PCDHA1: variants seen among roughly 807,000 people sequenced by gnomAD.
PCDHA1 encodes the protein protocadherin alpha 1.
Under a neutral mutation model 61.3 loss-of-function variants are expected in PCDHA1, and 42 were observed. The ratio of observed to expected loss-of-function variants is 0.69; its 90% CI spans 0.54 to 0.89. The LOEUF (loss-of-function observed/expected upper bound fraction) is 0.89. Ranked by LOEUF, PCDHA1 falls within the 40% of genes least tolerant of loss-of-function variation. PCDHA1 has a pLI of 0.00. For synonymous variants in PCDHA1, 610 were observed against 553.8 expected, an observed-to-expected ratio of 1.10 and a Z score of -1.43; for missense variants, 1,256 against 1,235.3, an observed-to-expected ratio of 1.02 and a Z score of -0.25.
At chr5:140,862,473 A>G in intron 1 of PCDHA1, 1 of 377,242 alleles carries the variant, frequency 2.7e-6, no homozygotes. Flanking sequence ...GAGCAAATCT[A>G]TCCATTGTTG....
rs1554117663 is a variant in PCDHA1, at chr5:140,787,078, C to T, written c.788C>T (p.Thr263Ile). The T allele has an allele frequency of 1.2e-6, 2 of 1,614,184 alleles. No individual in the cohort carries two copies. The highest frequency in any genetic ancestry group is 1.1e-5 in the South Asian group (1 of 91,088). Residue 263 changes from threonine to isoleucine, a missense_variant, in exon 1 of 4, where the codon ACA becomes ATA. Thr to Ile is a moderately conservative substitution (Grantham distance 89). Coordinates refer to ENST00000504120, the MANE Select transcript of PCDHA1 (RefSeq NM_018900.4). ...ACAGCAAATGGAACATTAGTGACCA[C>T]ATTAAATGCCTCTGATGCTGACGAA... The part of the protein sequence containing the change: ...ETTANGTLVT[T>I]LNASDADEGV...
At chr5:140,843,497 C>A in intron 1 of PCDHA1, 1 of 1,596,022 alleles carries the variant, frequency 6.3e-7, no homozygotes, top group Non-Finnish European at 8.6e-7. Context: ...GTGCTCAGCA[C>A]TGCCCACTGA....
At chr5:140,949,171 C>T (rs1554218845) in intron 1 of PCDHA1, among the ~76,000 whole-genome samples, 1 of 151,632 alleles carries the variant, frequency 6.6e-6, no homozygotes, top group Non-Finnish European at 1.5e-5. Flanking sequence ...CTCTTTTGGT[C>T]AGAGAACATA....
At chr5:140,840,164 T>C (rs1554137707) in intron 1 of PCDHA1, among the ~76,000 whole-genome samples, 1 of 151,988 alleles carries the variant, frequency 6.6e-6, no homozygotes, top group African/African-American at 2.4e-5. Context: ...AGAGATGGGA[T>C]GTATACAAAT....
At position 140,807,381 on chromosome 5, in the gene PCDHA1, G is replaced by A. The variant is rs148298330; in HGVS notation, c.2394+18697G>A. 262 of 1,603,446 alleles carry A rather than the reference G, an allele frequency of 1.6e-4. No homozygotes were observed. The African/African-American group carries it at 2.9e-3, about 18-fold the overall frequency. ...GCGGAGCTGGTGCCGCGCCTGTTCCGGGTGGCGTCCAAGGGCCGCGGAGGC... is the reference window on the plus strand; with the variant it reads ...GCGGAGCTGGTGCCGCGCCTGTTCCAGGTGGCGTCCAAGGGCCGCGGAGGC... On this transcript the variant is annotated intron_variant, in intron 1 of 3. Transcript: ENST00000504120.
chr5:140,794,601 T>C (rs1485169955), intron 1 of PCDHA1, among the ~76,000 whole-genome samples: 1 of 152,260 alleles, frequency 6.6e-6, no homozygotes, highest in Non-Finnish European at 1.5e-5. Context: ...TTAATCATAG[T>C]TAATATGGTA....
chr5:140,822,550 T>C, intron 1 of PCDHA1: 1 of 1,613,768 alleles, frequency 6.2e-7, no homozygotes, highest in Non-Finnish European at 8.5e-7. Context: ...AAGTGGGACA[T>C]TAGTTATTAA....
In PCDHA1 at chr5:140,969,225, C is replaced by T. The variant is rs782766938; in HGVS notation, c.2395-9724C>T. 22 of 1,614,118 alleles carry T rather than the reference C, an allele frequency of 1.4e-5. No homozygotes were observed. Among genetic ancestry groups the T allele is most frequent in the East Asian group, 1.3e-4 (6 of 44,872 alleles). Reference sequence around the variant, plus strand: ...GGGGCCCAGACAGGACCAGGGCCTTCGGGAGCCCAAGCAGCAGTGACTGAC... The same window carrying T: ...GGGGCCCAGACAGGACCAGGGCCTTTGGGAGCCCAAGCAGCAGTGACTGAC... On this transcript the variant is annotated intron_variant, in intron 1 of 3. Coordinates refer to ENST00000504120, the MANE Select transcript of PCDHA1 (RefSeq NM_018900.4).
Position 140,985,833 on chromosome 5 carries a change from G to A in PCDHA1, c.2542+3270G>A, listed in dbSNP as rs1458914557. Among the ~76,000 whole-genome samples the A allele has an allele frequency of 2.8e-5, 4 of 143,674 alleles. No homozygotes were observed. In the East Asian group the frequency reaches 6.5e-4, roughly 23 times the overall value. The allele number at this position is 143,674 out of a possible 152,430, so 94.3% of individuals were successfully genotyped here. A position where few individuals can be genotyped will look rare whatever the true frequency, so the allele number is the denominator to read the frequency against. ...CAGCTCACAACAAGCTCTGCCTCCC[G>A]GGTTCATGCCACTCTCCTGCCTCAG... On this transcript the variant is annotated intron_variant, in intron 3 of 3. Coordinates refer to ENST00000504120, the MANE Select transcript of PCDHA1 (RefSeq NM_018900.4).
chr5:140,817,360 A>G (rs2150097768), intron 1 of PCDHA1: 1 of 152,194 alleles, frequency 6.6e-6, no homozygotes, highest in East Asian at 1.9e-4. Flanking sequence ...GACCCTCTTA[A>G]CTGGTTTCGG....
rs782212784 is a variant in PCDHA1 at position 140,883,583 on chromosome 5, G to A, written c.2394+94899G>A. ...GGGCTCGCCTTCGCTGTGGGCCACGGCCAGCGTGTCGGTGGGGGTGGCCGA... is the reference window on the plus strand; with the variant it reads ...GGGCTCGCCTTCGCTGTGGGCCACGACCAGCGTGTCGGTGGGGGTGGCCGA... On this transcript the variant is annotated intron_variant, in intron 1 of 3. Coordinates refer to ENST00000504120, the MANE Select transcript of PCDHA1 (RefSeq NM_018900.4). The A allele has an allele frequency of 1.9e-5, 31 of 1,613,916 alleles. No individual in the cohort carries two copies. The African/African-American group carries it at 3.7e-4, about 19-fold the overall frequency.
chr5:140,795,680 A>G (rs140965227), intron 1 of PCDHA1: 15 of 1,614,044 alleles, frequency 9.3e-6, no homozygotes, highest in Non-Finnish European at 1.3e-5. Context: ...AATGACAATG[A>G]ACCAACTTTT....
At chr5:140,840,854 C>T (rs2150309759) in intron 1 of PCDHA1, among the ~76,000 whole-genome samples, 10 of 151,908 alleles carry the variant, frequency 6.6e-5, no homozygotes, top group Admixed American at 2.6e-4. Flanking sequence ...TTCTTCCACA[C>T]GAAACTATGG....
intron 1 of PCDHA1, among the ~76,000 whole-genome samples, chr5:140,844,056 C>T (rs2150368567): frequency 1.3e-5 from 2 of 149,686 alleles, no homozygotes; most frequent in African/African-American, 4.9e-5. Context: ...TCCCCCAAAG[C>T]GTTTATTCTT....
At chr5:140,947,524 A>G (rs894259499) in intron 1 of PCDHA1, among the ~76,000 whole-genome samples, 1 of 151,796 alleles carries the variant, frequency 6.6e-6, no homozygotes, top group Admixed American at 6.6e-5. Flanking sequence ...TTTAGAATCA[A>G]CTTTTCAATT....
chr5:140,953,101 T>C (rs1297450101), intron 1 of PCDHA1, among the ~76,000 whole-genome samples: 1 of 152,130 alleles, frequency 6.6e-6, no homozygotes, highest in Non-Finnish European at 1.5e-5. Context: ...TGACATGAGA[T>C]TTGGGCAGGG....
intron 1 of PCDHA1, among the ~76,000 whole-genome samples, chr5:140,885,084 A>C (rs1313908585): frequency 6.6e-6 from 1 of 152,198 alleles, no homozygotes; most frequent in South Asian, 2.1e-4. Context: ...AAAGAGCCCC[A>C]TAACTTTTCA....
Position 140,850,173 on chromosome 5 carries a change from G to T in PCDHA1, c.2394+61489G>T, listed in dbSNP as rs2150470730. The T allele has an allele frequency of 4.0e-5, 64 of 1,594,368 alleles. 5 individuals carry two copies. The highest frequency in any genetic ancestry group is 5.0e-5 in the Non-Finnish European group (58 of 1,167,774). On this transcript the variant is annotated intron_variant, in intron 1 of 3. Coordinates refer to ENST00000504120, the MANE Select transcript of PCDHA1 (RefSeq NM_018900.4). ...GCAGGTGTTCGTGCTGGACGAGAAC[G>T]ACAATGCGCCGGCGCTGCTGACACC...
chr5:140,829,714 C>A (rs1316878813), intron 1 of PCDHA1: 14 of 1,613,308 alleles, frequency 8.7e-6, no homozygotes, highest in Admixed American at 1.7e-5. Flanking sequence ...GCGACGCGGG[C>A]GTGCCGCCTC....
Sources: allele counts gnomAD v4.1 joint callset (sites outside exome capture counted in the v4.1 genomes callset), GRCh38; gene constraint gnomAD v4.1.1; transcripts MANE v1.5; gene names NCBI Gene and HGNC (gene_info 2026-07-23, HGNC 2026-07-21).